PKHD1: variants seen among roughly 807,000 people sequenced by gnomAD.
PKHD1 encodes the protein PKHD1 ciliary IPT domain containing fibrocystin/polyductin.
A neutral mutation model predicts 412.0 loss-of-function variants in PKHD1; 291 were observed. The ratio of observed to expected loss-of-function variants is 0.71; its 90% CI spans 0.64 to 0.78. PKHD1 has a LOEUF of 0.78. PKHD1 is among the 30% of genes least tolerant of loss of function. The probability of loss-of-function intolerance (pLI) is 0.00; values close to 1 mark genes in which losing one functional copy is unlikely to be tolerated. For missense variants in PKHD1, 4,825 were observed against 4,950.7 expected, an observed-to-expected ratio of 0.97 and a Z score of 0.76; for synonymous variants, 1,777 against 1,821.5, an observed-to-expected ratio of 0.98 and a Z score of 0.62.
chr6:52,016,635 CA>C (rs10579713), intron 34 of PKHD1, among the ~76,000 whole-genome samples: 30,275 of 118,166 alleles, frequency 0.26, 2,744 homozygotes, highest in East Asian at 0.41. Flanking sequence ...GACTCTGTCT[CA>C]AAAAAAAAAA....
chr6:51,955,012 T>C (rs1417504003), intron 36 of PKHD1, among the ~76,000 whole-genome samples: 1 of 152,078 alleles, frequency 6.6e-6, no homozygotes, highest in Non-Finnish European at 1.5e-5. Flanking sequence ...TGGCTCATCA[T>C]AATTACTTGG....
At chr6:51,842,034 C>T (rs886541918) in intron 50 of PKHD1, among the ~76,000 whole-genome samples, 1 of 152,248 alleles carries the variant, frequency 6.6e-6, no homozygotes, top group Non-Finnish European at 1.5e-5. Context: ...CAACTTGGCA[C>T]ACACAATAAA....
At chr6:52,054,244 A>G (rs1179461358) in intron 19 of PKHD1, 79 bp from the exon 20 acceptor site, 12 of 1,410,942 alleles carry the variant, frequency 8.5e-6, no homozygotes, top group African/African-American at 8.4e-5. Flanking sequence ...AGGAGTCCAC[A>G]TCCCTAGAAC....
At chr6:51,675,374 C>T (rs1366578398) in intron 60 of PKHD1, among the ~76,000 whole-genome samples, 1 of 152,120 alleles carries the variant, frequency 6.6e-6, no homozygotes, top group Non-Finnish European at 1.5e-5. Context: ...TTGTTTTTGT[C>T]TTTTCTTTTC....
At chr6:51,886,846 A>C (rs1053883436) in intron 44 of PKHD1, among the ~76,000 whole-genome samples, 1 of 152,218 alleles carries the variant, frequency 6.6e-6, no homozygotes, top group Non-Finnish European at 1.5e-5. Flanking sequence ...AATTCAAATA[A>C]AGAGGCTCTG....
At chr6:51,890,010 G>T (rs1778862286) in intron 43 of PKHD1, among the ~76,000 whole-genome samples, 1 of 151,828 alleles carries the variant, frequency 6.6e-6, no homozygotes, top group Non-Finnish European at 1.5e-5. Flanking sequence ...TTTTCCCTTA[G>T]AAGTATTTTT....
At chr6:51,662,875 T>C (rs374472629) in intron 60 of PKHD1, among the ~76,000 whole-genome samples, 1 of 152,192 alleles carries the variant, frequency 6.6e-6, no homozygotes, top group East Asian at 1.9e-4. Flanking sequence ...AACTGTTCTA[T>C]GTCTCTTAAT....
intron 60 of PKHD1, among the ~76,000 whole-genome samples, chr6:51,670,826 T>C (rs1485370584): frequency 6.6e-6 from 1 of 151,030 alleles, no homozygotes; most frequent in East Asian, 1.9e-4. Context: ...TGGCTGGATA[T>C]GAAATTCTGG....
intron 60 of PKHD1, among the ~76,000 whole-genome samples, chr6:51,690,271 C>CAAAAAAAAAAAAAAAAA (rs70977310): frequency 9.1e-6 from 1 of 109,920 alleles, no homozygotes; most frequent in Admixed American, 1.1e-4. Flanking sequence ...GACTCCATCT[C>CAAAAAAAAAAAAAAAAA]AAAAAAAAAA....
At position 51,615,518 on chromosome 6, in the gene PKHD1, G is replaced by C. The variant is rs1288004965; in HGVS notation, c.*3563C>G. On this transcript the variant is annotated 3_prime_UTR_variant, in exon 67 of 67. Coordinates refer to ENST00000371117, the MANE Select transcript of PKHD1 (RefSeq NM_138694.4). The stretch of plus-strand genomic sequence containing the variant: ...TTATAGTTTTTTCAAAATTGGCATA[G>C]ACTATAAGTTCTGAAAGCAAAATAT... 1 of 152,110 alleles carries C rather than the reference G, an allele frequency of 6.6e-6. No individual in the cohort carries two copies. The highest frequency in any genetic ancestry group is 2.4e-5 in the African/African-American group (1 of 41,412). The allele number at this position is 152,110 out of a possible 1,614,324, so 9.4% of individuals were successfully genotyped here.
intron 36 of PKHD1, among the ~76,000 whole-genome samples, chr6:51,953,066 C>T (rs1248913139): frequency 6.6e-6 from 1 of 152,086 alleles, no homozygotes; most frequent in Non-Finnish European, 1.5e-5. Flanking sequence ...AGTCAGGCTC[C>T]AGTTTGCTGA....
chr6:51,795,675 A>G (rs7748955), intron 52 of PKHD1, among the ~76,000 whole-genome samples: 89,828 of 151,988 alleles, frequency 0.59, 27,217 homozygotes, highest in East Asian at 0.83. Context: ...TGTCATATAT[A>G]GCTTTTATTA....
rs755692013 is a variant in PKHD1, at chr6:51,659,799, T to A, written c.10327A>T (p.Ser3443Cys). 5 of 1,613,700 alleles carry A rather than the reference T, an allele frequency of 3.1e-6. No homozygotes were observed. The South Asian group carries it at 5.5e-5, about 18-fold the overall frequency. The change falls in exon 61 of 67, where the codon AGT (serine) becomes TGT (cysteine). Residue 3443 changes from serine (S) to cysteine (C), a missense_variant. Transcript: ENST00000371117. ...GAGCAGGGAATATTGGCATTTACACTGCTAAAGACATCAACAAAACCACTA... is the reference window on the plus strand; with the variant it reads ...GAGCAGGGAATATTGGCATTTACACAGCTAAAGACATCAACAAAACCACTA... Reference protein sequence around the residue: ...VTSGFVDVFSSVNANIPCSTS... With the variant: ...VTSGFVDVFSCVNANIPCSTS...
At chr6:51,860,073 G>T (rs1028393852) in intron 48 of PKHD1, among the ~76,000 whole-genome samples, 1 of 152,126 alleles carries the variant, frequency 6.6e-6, no homozygotes, top group African/African-American at 2.4e-5. Context: ...GGTTTATTAG[G>T]GATGCAATTT....
chr6:51,702,176 TATATA>T lies in PKHD1; in HGVS notation c.10156+42204_10156+42208del, dbSNP rs1419035815. ...TATATTATATATATTATATGTATAA[TATATA>T]ATATATTATATATATTATACGTATA... On this transcript the variant is annotated intron_variant, in intron 60 of 66. Transcript: ENST00000371117. Among the ~76,000 whole-genome samples the T allele has an allele frequency of 8.2e-5, 12 of 146,072 alleles. No homozygotes were observed. The East Asian group carries it at 1.2e-3, about 14-fold the overall frequency.
At position 52,024,946 on chromosome 6, in the gene PKHD1, GC is replaced by G; in HGVS notation, c.4863del (p.Glu1621AspfsTer18). 6.2e-7 allele frequency: 1 copy of G among 1,614,242 alleles called. No individual in the cohort carries two copies. Among genetic ancestry groups the G allele is most frequent in the Non-Finnish European group, 8.5e-7 (1 of 1,180,050 alleles). On this transcript the variant is annotated frameshift_variant, in exon 32 of 67. Coordinates refer to ENST00000371117, the MANE Select transcript of PKHD1 (RefSeq NM_138694.4). LOFTEE classifies it high-confidence loss of function. ...CCTGTGGGAACAATGCACCGGATGA[GC>G]TCAGCACCGATGTTCACCGTCAGGC... ...QTCLTVNIGA[E>X]LIRCIVPTGN...
At chr6:51,720,851 T>A (rs754755767) in intron 60 of PKHD1, 4 of 321,878 alleles carry the variant, frequency 1.2e-5, no homozygotes, top group Non-Finnish European at 1.8e-5. Flanking sequence ...AGAGATTATG[T>A]CATTTTGTAC....
At chr6:51,948,817 G>T (rs1427070003) in intron 36 of PKHD1, among the ~76,000 whole-genome samples, 1 of 152,194 alleles carries the variant, frequency 6.6e-6, no homozygotes, top group Non-Finnish European at 1.5e-5. Flanking sequence ...CTTGAGAGCA[G>T]ATCAAAGAAT....
intron 60 of PKHD1, among the ~76,000 whole-genome samples, chr6:51,668,345 TTGTC>T (rs1352815318): frequency 2.6e-4 from 38 of 148,894 alleles, no homozygotes; most frequent in African/African-American, 8.7e-4. Context: ...GTTTCTCTGT[TTGTC>T]TGTTGTTGGT....
Sources: allele counts gnomAD v4.1 joint callset (sites outside exome capture counted in the v4.1 genomes callset), GRCh38; gene constraint gnomAD v4.1.1; transcripts MANE v1.5; gene names NCBI Gene and HGNC (gene_info 2026-07-23, HGNC 2026-07-21).